RETSAT: variants seen among roughly 807,000 people sequenced by gnomAD.
The protein encoded by RETSAT is retinol saturase, also known as all-trans-retinol 13,14-reductase.
A neutral mutation model predicts 61.6 loss-of-function variants in RETSAT; 35 were observed. The observed-to-expected ratio is 0.57, with a 90% CI of 0.43 to 0.75. The LOEUF (loss-of-function observed/expected upper bound fraction) is 0.75. Ranked by LOEUF, RETSAT falls within the 30% of genes least tolerant of loss-of-function variation. RETSAT has a pLI of 0.00. For synonymous variants in RETSAT, 277 were observed against 310.4 expected, an observed-to-expected ratio of 0.89 and a Z score of 1.13; for missense variants, 670 against 759.5, an observed-to-expected ratio of 0.88 and a Z score of 1.38.
Position 85,351,681 on chromosome 2 carries a change from T to G in RETSAT, c.354A>C (p.Thr118=), listed in dbSNP as rs765222768. Residue 118 remains threonine, a splice_region_variant and synonymous_variant, in exon 2 of 11, where the codon ACA becomes ACC. Coordinates refer to ENST00000295802, the MANE Select transcript of RETSAT (RefSeq NM_017750.4). ...TFGKNGLEFD[T]GIHYIGRMEE... ...AACCCTTTTCCACACAAGCCTTACC[T>G]GTGTCAAATTCAAGGCCATTCTTTC... 14 of 1,613,564 alleles carry G rather than the reference T, an allele frequency of 8.7e-6. No homozygotes were observed. The East Asian group carries it at 2.7e-4, about 31-fold the overall frequency.
chr2:85,344,758 G>A (rs754215280), intron 6 of RETSAT, 26 bp from the exon 7 acceptor site: 4 of 1,611,002 alleles, frequency 2.5e-6, no homozygotes, highest in Non-Finnish European at 3.4e-6. Flanking sequence ...GTTGGTGCCT[G>A]TGTGGACCAT....
At chr2:85,344,802 G>T in intron 6 of RETSAT, 70 bp from the exon 7 acceptor site, 1 of 1,543,564 alleles carries the variant, frequency 6.5e-7, no homozygotes, top group Non-Finnish European at 8.8e-7. Context: ...TCCCAGGAGA[G>T]CCTTGGGGTG....
Position 85,343,728 on chromosome 2 carries a change from T to G in RETSAT, c.1604A>C (p.Tyr535Ser). 1 of 1,614,052 alleles carries G rather than the reference T, an allele frequency of 6.2e-7. No individual in the cohort carries two copies. The highest frequency in any genetic ancestry group is 8.5e-7 in the Non-Finnish European group (1 of 1,179,906). The change falls in exon 10 of 11, where the codon TAC (tyrosine) becomes TCC (serine). Residue 535 changes from tyrosine to serine, a missense_variant. Coordinates refer to ENST00000295802, the MANE Select transcript of RETSAT (RefSeq NM_017750.4). ...GCGGCCCAGGTCATGGTCAGCCCCG[T>G]AGCAGGCACCTCGGGGAGCAGCCAG... ...FYLAAPRGAC[Y>S]GADHDLGRLH...
chr2:85,354,212 C>G (rs1409732973), intron 1 of RETSAT, 124 bp downstream of exon 1: 2 of 1,055,262 alleles, frequency 1.9e-6, no homozygotes, highest in Non-Finnish European at 2.8e-6. Context: ...GGAAGCCCTC[C>G]TAGTACTTTA....
chr2:85,353,239 T>G (rs1683343591), intron 1 of RETSAT, among the ~76,000 whole-genome samples: 2 of 152,198 alleles, frequency 1.3e-5, no homozygotes, highest in African/African-American at 4.8e-5. Context: ...GCGGATCGCT[T>G]GAGGCCAGGA....
chr2:85,350,942 G>C lies in RETSAT; in HGVS notation c.435C>G (p.Asp145Glu), dbSNP rs746239676. The change falls in exon 3 of 11, where the codon GAC becomes GAG. Residue 145 changes from aspartate to glutamate, a missense_variant. Physicochemically the swap from Asp to Glu is conservative, Grantham distance 45 (BLOSUM62 2). Coordinates refer to ENST00000295802, the MANE Select transcript of RETSAT (RefSeq NM_017750.4). ...ILDQITEGQL[D>E]WAPLSSPFDI... is the part of the protein sequence containing the mutation. ...CAAAAGGAGAGGACAGGGGAGCCCAGTCCAGCTGCCCTTCAGTGATCTGGT... is the reference window on the plus strand; with the variant it reads ...CAAAAGGAGAGGACAGGGGAGCCCACTCCAGCTGCCCTTCAGTGATCTGGT... 1 of 1,614,214 alleles carries C rather than the reference G, an allele frequency of 6.2e-7. No homozygotes were observed. Among genetic ancestry groups the C allele is most frequent in the Non-Finnish European group, 8.5e-7 (1 of 1,180,038 alleles).
chr2:85,349,489 C>G lies in RETSAT; in HGVS notation c.892G>C (p.Glu298Gln). Residue 298 changes from glutamate to glutamine, a missense_variant, in exon 5 of 11, where the codon GAA becomes CAA. Transcript: ENST00000295802. ...ACAGGGATGGTGTGGAAGGCAATTT[C>G]ACTGGAACCCCCTCGGGGATAAAAG... ...GGFYPRGGSS[E>Q]IAFHTIPVIQ... 6.2e-7 allele frequency: 1 copy of G among 1,614,192 alleles called. No homozygotes were observed. The highest frequency in any genetic ancestry group is 1.1e-5 in the South Asian group (1 of 91,086).
chr2:85,344,860 CT>C (rs1202929717), intron 6 of RETSAT, 128 bp from the exon 7 acceptor site: 1 of 981,224 alleles, frequency 1.0e-6, no homozygotes, highest in South Asian at 1.7e-5. Context: ...GGCCACTCTG[CT>C]TCCTTCATTT....
At chr2:85,344,778 C>T (rs751239557) in intron 6 of RETSAT, 46 bp from the exon 7 acceptor site, 79 of 1,598,438 alleles carry the variant, frequency 4.9e-5, no homozygotes, top group Non-Finnish European at 6.5e-5. Context: ...TGGCCGGAGA[C>T]GGCCACTCCT....
At chr2:85,344,427 C>T in intron 7 of RETSAT, 79 bp from the exon 8 acceptor site, 2 of 1,539,590 alleles carry the variant, frequency 1.3e-6, no homozygotes, top group Non-Finnish European at 1.8e-6. Context: ...ACTGCTTATC[C>T]CTAGGGACTC....
intron 5 of RETSAT, among the ~76,000 whole-genome samples, chr2:85,346,512 G>C (rs1290940618): frequency 6.6e-6 from 1 of 152,152 alleles, no homozygotes; most frequent in African/African-American, 2.4e-5. Flanking sequence ...CCAGCGCTTT[G>C]GGAGTCTGAG....
At chr2:85,347,588 G>A (rs1456199548) in intron 5 of RETSAT, among the ~76,000 whole-genome samples, 3 of 151,840 alleles carry the variant, frequency 2.0e-5, no homozygotes, top group Admixed American at 6.6e-5. Flanking sequence ...GGCTGGTCTC[G>A]AACTCCCAAC....
At position 85,343,256 on chromosome 2, in the gene RETSAT, TC is replaced by T; in HGVS notation, c.1818del (p.Lys607ArgfsTer23). ...CCCTGATGGAACTAATTCTTTTTCTTCTGTGCCCGGATCCTAGAATCAAGAT... is the reference window on the plus strand; with the variant it reads ...CCCTGATGGAACTAATTCTTTTTCTTTGTGCCCGGATCCTAGAATCAAGAT... ...LKNLDSRIRA[Q>X]KKKN is the part of the protein sequence containing the mutation. On this transcript the variant is annotated frameshift_variant, in exon 11 of 11. Transcript: ENST00000295802. LOFTEE classifies it high-confidence loss of function. 6.2e-7 allele frequency: 1 copy of T among 1,614,220 alleles called. No homozygotes were observed. Among genetic ancestry groups the T allele is most frequent in the Non-Finnish European group, 8.5e-7 (1 of 1,179,990 alleles).
At chr2:85,353,178 A>G (rs79184300) in intron 1 of RETSAT, among the ~76,000 whole-genome samples, 5,210 of 152,362 alleles carry the variant, frequency 0.034, 242 homozygotes, top group African/African-American at 0.1. Context: ...AGTTGTGGCC[A>G]GGCGTGATGG....
At chr2:85,344,215 C>G (rs373310928) in intron 8 of RETSAT, 24 bp downstream of exon 8, 2 of 1,614,164 alleles carry the variant, frequency 1.2e-6, no homozygotes, top group African/African-American at 1.3e-5. Flanking sequence ...CCTCCACCCC[C>G]TCACCCGGGA....
intron 4 of RETSAT, 88 bp downstream of exon 4, chr2:85,349,952 C>A: frequency 2.3e-6 from 3 of 1,330,552 alleles, no homozygotes; most frequent in South Asian, 2.5e-5. Context: ...TATCAGTCAG[C>A]CAGGCAGGGT....
At chr2:85,345,522 G>T in intron 6 of RETSAT, 1 of 333,734 alleles carries the variant, frequency 3.0e-6, no homozygotes, top group Non-Finnish European at 5.9e-6. Context: ...CCCCTGCTGG[G>T]TTACTGGTCC....
intron 1 of RETSAT, 43 bp from the exon 2 acceptor site, chr2:85,351,905 A>G (rs1683305608): frequency 1.9e-6 from 3 of 1,583,702 alleles, no homozygotes; most frequent in South Asian, 2.3e-5. Flanking sequence ...AGGCAGGGGC[A>G]GGGAAATAGC....
chr2:85,347,008 A>G (rs369212901), intron 5 of RETSAT, among the ~76,000 whole-genome samples: 41 of 152,216 alleles, frequency 2.7e-4, no homozygotes, highest in African/African-American at 9.6e-4. Flanking sequence ...GTTCGACCTA[A>G]TACTTCTGGA....
Sources: gnomAD v4.1 joint callset for allele counts (sites outside exome capture counted in the v4.1 genomes callset) on GRCh38, gnomAD v4.1.1 for gene constraint, MANE v1.5 for transcripts, NCBI Gene and HGNC (gene_info 2026-07-23, HGNC 2026-07-21) for gene names.